The following NUP88 variants were observed in gnomAD, a reference collection of about 807,000 sequenced individuals.
The protein encoded by NUP88 is nucleoporin 88.
In NUP88, 57 loss-of-function variants were observed where a neutral mutation model predicts 93.9. The observed-to-expected ratio is 0.61, with a 90% confidence interval of 0.49 to 0.76. NUP88 has a LOEUF of 0.76. NUP88 is among the 30% of genes least tolerant of loss of function. NUP88 has a pLI of 0.00. For missense variants in NUP88, 911 were observed against 901.0 expected, an observed-to-expected ratio of 1.01 and a Z score of -0.14; for synonymous variants, 346 against 336.8, an observed-to-expected ratio of 1.03 and a Z score of -0.30.
rs768690201 is a variant in NUP88 at position 5,404,116 on chromosome 17, G to A, written c.1175C>T (p.Pro392Leu). 6 of 1,613,940 alleles carry A rather than the reference G, an allele frequency of 3.7e-6. No homozygotes were observed. The highest frequency in any genetic ancestry group is 5.1e-6 in the Non-Finnish European group (6 of 1,179,962). ...GAGCTTACCTCTATGAAGTTTGACT[G>A]GACAAGAAAAGTCAGAATCAAAAGG... ...DDPFDSDFSC[P>L]VKLHRDPKCP... is the part of the protein sequence containing the mutation. The change falls in exon 7 of 17, where the codon CCA becomes CTA. Residue 392 changes from proline (P) to leucine (L), a missense_variant. Pro to Leu is a moderately conservative substitution (Grantham distance 98). Coordinates refer to ENST00000573584, the MANE Select transcript of NUP88 (RefSeq NM_002532.6).
chr17:5,389,026 AACC>A, intron 10 of NUP88, 66 bp from the exon 11 acceptor site: 2 of 1,183,448 alleles, frequency 1.7e-6, no homozygotes, highest in Admixed American at 2.5e-5. Flanking sequence ...GGAAAGCAGA[AACC>A]ACATTAATCC....
At chr17:5,411,257 G>A (rs1239845839) in intron 3 of NUP88, among the ~76,000 whole-genome samples, 1 of 152,046 alleles carries the variant, frequency 6.6e-6, no homozygotes, top group Non-Finnish European at 1.5e-5. Context: ...CTACTTATGT[G>A]TTTGTTATAT....
chr17:5,410,644 C>T, intron 4 of NUP88, 59 bp downstream of exon 4: 1 of 1,044,086 alleles, frequency 9.6e-7, no homozygotes, highest in Non-Finnish European at 1.5e-6. Context: ...GTTAAAATTG[C>T]ATTTATAATC....
intron 1 of NUP88, chr17:5,418,251 T>C (rs1441548479): frequency 6.6e-6 from 1 of 152,284 alleles, no homozygotes; most frequent in East Asian, 1.9e-4. Context: ...GCTGCACATT[T>C]GGTAATTATT....
At chr17:5,397,420 T>A (rs1361393226) in intron 8 of NUP88, among the ~76,000 whole-genome samples, 4 of 151,894 alleles carry the variant, frequency 2.6e-5, no homozygotes, top group African/African-American at 9.7e-5. Flanking sequence ...CAAGTTTCTT[T>A]AAAAGTGAAA....
Position 5,419,618 on chromosome 17 carries a change from G to C in NUP88, c.33C>G (p.Gly11=). 3 of 1,596,524 alleles carry C rather than the reference G, an allele frequency of 1.9e-6. No homozygotes were observed. The highest frequency in any genetic ancestry group is 2.6e-6 in the Non-Finnish European group (3 of 1,169,986). Residue 11 remains glycine (G), a synonymous_variant, in exon 1 of 17, where the codon GGC becomes GGG. Transcript: ENST00000573584. Reference sequence around the variant, plus strand: ...TAGGAAGCCAGGTCTGCCACAGCTCGCCGTCGCCCACCGGTCCCTCGGCGG... The same window carrying C: ...TAGGAAGCCAGGTCTGCCACAGCTCCCCGTCGCCCACCGGTCCCTCGGCGG... MAAAEGPVGD[G]ELWQTWLPNH...
rs140993070 is a variant in NUP88, at chr17:5,409,640, G to A, written c.681-731C>T. On this transcript the variant is annotated intron_variant, in intron 4 of 16. Transcript: ENST00000573584. ...TGCCAGGTACTTTTCTAGGGTCTGG[G>A]AATATGTCAGTGAATTAAACAAATG... 3.4e-3 allele frequency among the ~76,000 whole-genome samples: 522 copies of A among 152,236 alleles called. 1 individual carries two copies. The highest frequency in any genetic ancestry group is 0.024 in the Middle Eastern group (7 of 294).
Position 5,387,818 on chromosome 17 carries a change from A to C in NUP88, c.1730T>G (p.Ile577Ser). The C allele has an allele frequency of 6.2e-7, 1 of 1,613,922 alleles. No homozygotes were observed. The highest frequency in any genetic ancestry group is 8.5e-7 in the Non-Finnish European group (1 of 1,179,980). The stretch of plus-strand genomic sequence containing the variant: ...CTCCTTTGCCAAGTCCTGTTTGAGA[A>C]TGTACTGCTCTCTGAACACCTGGGT... ...RATQVFREQYILKQDLAKEEI... is the reference protein window; with the variant it reads ...RATQVFREQYSLKQDLAKEEI... The change falls in exon 12 of 17, where the codon ATT becomes AGT. Residue 577 changes from isoleucine to serine, a missense_variant. Physicochemically the swap from Ile to Ser is moderately radical, Grantham distance 142. Transcript: ENST00000573584.
At chr17:5,419,296 C>CA (rs1914435596) in intron 1 of NUP88, 58 bp downstream of exon 1, 24 of 1,490,548 alleles carry the variant, frequency 1.6e-5, no homozygotes, top group Middle Eastern at 3.6e-4. Context: ...GAGCAAGGAA[C>CA]AAAAAAGACT....
rs372788074 is a variant in NUP88, at chr17:5,406,258, T to C, written c.858-1015A>G. 1.1e-4 allele frequency among the ~76,000 whole-genome samples: 17 copies of C among 152,298 alleles called. No homozygotes were observed. The East Asian group carries it at 1.7e-3, about 16-fold the overall frequency. ...AAAGAATGATTTCTGGGAAGGGGAT[T>C]GTTGAGCATTCCAAGCTAGAGATCA... On this transcript the variant is annotated intron_variant, in intron 5 of 16. Transcript: ENST00000573584.
At chr17:5,401,140 T>C (rs1295368810) in intron 7 of NUP88, among the ~76,000 whole-genome samples, 1 of 152,120 alleles carries the variant, frequency 6.6e-6, no homozygotes, top group Non-Finnish European at 1.5e-5. Flanking sequence ...TCCCAGCCCT[T>C]TGGGAGGCCA....
rs1912075934 is a variant in NUP88, at chr17:5,387,376, G to A, written c.1916+10C>T. On this transcript the variant is annotated intron_variant, in intron 14 of 16. Transcript: ENST00000573584. ...TGACTAGGTAACTAAATGTTATACA[G>A]CCCACTGACCTGTTCATGATATCCT... 3.1e-6 allele frequency: 5 copies of A among 1,607,476 alleles called. No individual in the cohort carries two copies. The highest frequency in any genetic ancestry group is 4.3e-6 in the Non-Finnish European group (5 of 1,174,114).
intron 8 of NUP88, among the ~76,000 whole-genome samples, chr17:5,398,649 G>A (rs1035183643): frequency 6.0e-5 from 9 of 151,166 alleles, no homozygotes; most frequent in Non-Finnish European, 1.0e-4. Context: ...GGAGTGCAGT[G>A]GCATGACCTC....
chr17:5,414,950 G>A (rs774383060), intron 2 of NUP88, among the ~76,000 whole-genome samples: 1 of 151,468 alleles, frequency 6.6e-6, no homozygotes, highest in Non-Finnish European at 1.5e-5. Context: ...TTGGGCTACA[G>A]AGCCAGACTC....
At chr17:5,416,478 T>C (rs1597332779) in intron 2 of NUP88, 35 bp downstream of exon 2, 1 of 1,439,128 alleles carries the variant, frequency 6.9e-7, no homozygotes, top group South Asian at 1.3e-5. Context: ...TCTGTATATA[T>C]AATAAATTAT....
rs750853602 is a variant in NUP88, at chr17:5,387,371, A to G, written c.1916+15T>C. On this transcript the variant is annotated intron_variant, in intron 14 of 16. Transcript: ENST00000573584. ...GTACCTGACTAGGTAACTAAATGTT[A>G]TACAGCCCACTGACCTGTTCATGAT... The G allele has an allele frequency of 8.7e-6, 14 of 1,604,844 alleles. No homozygotes were observed. In the African/African-American group the frequency reaches 1.3e-4, roughly 15 times the overall value.
chr17:5,414,847 G>A (rs1364076403), intron 2 of NUP88, among the ~76,000 whole-genome samples: 5 of 151,768 alleles, frequency 3.3e-5, no homozygotes, highest in African/African-American at 7.2e-5. Flanking sequence ...AACCCAGGAG[G>A]TGGAGGCTGC....
intron 2 of NUP88, among the ~76,000 whole-genome samples, chr17:5,414,447 G>A (rs899082090): frequency 2.6e-5 from 4 of 151,768 alleles, no homozygotes; most frequent in African/African-American, 9.7e-5. Flanking sequence ...TGCCCACCTC[G>A]GCCTCGCAAA....
chr17:5,402,773 C>T (rs2151641511), intron 7 of NUP88, among the ~76,000 whole-genome samples: 2 of 152,236 alleles, frequency 1.3e-5, no homozygotes, highest in South Asian at 4.1e-4. Context: ...GAGGCTGAGG[C>T]AGAAGGATCA....
Sources: allele counts gnomAD v4.1 joint callset (sites outside exome capture counted in the v4.1 genomes callset), GRCh38; gene constraint gnomAD v4.1.1; transcripts MANE v1.5; gene names NCBI Gene and HGNC (gene_info 2026-07-23, HGNC 2026-07-21).